Variants in PCCA observed in about 807,000 individuals in gnomAD.
The protein encoded by PCCA is propionyl-CoA carboxylase alpha chain, mitochondrial.
In PCCA, 74 loss-of-function variants were observed where a neutral mutation model predicts 101.3. That is an observed-to-expected ratio of 0.73 (90% CI 0.61 to 0.89). The LOEUF (loss-of-function observed/expected upper bound fraction) is 0.89. Among genes scored for constraint, PCCA ranks in the 40% least tolerant of loss-of-function variants. The pLI, the probability that PCCA is intolerant of heterozygous loss-of-function variation, is 0.00. For synonymous variants in PCCA, 294 were observed against 313.6 expected, an observed-to-expected ratio of 0.94 and a Z score of 0.66; for missense variants, 891 against 907.0, an observed-to-expected ratio of 0.98 and a Z score of 0.23.
chr13:100,385,261 A>T (rs971864388), intron 19 of PCCA, among the ~76,000 whole-genome samples: 3 of 152,210 alleles, frequency 2.0e-5, no homozygotes, highest in African/African-American at 7.2e-5. Flanking sequence ...TTATTAGGAT[A>T]ATAAGTCAAG....
At chr13:100,211,797 G>C (rs1317826620) in intron 7 of PCCA, among the ~76,000 whole-genome samples, 1 of 152,102 alleles carries the variant, frequency 6.6e-6, no homozygotes, top group Admixed American at 6.6e-5. Flanking sequence ...CTAGAGTGCA[G>C]TGGCATAGTC....
chr13:100,359,390 TA>T (rs1326653132), intron 18 of PCCA, among the ~76,000 whole-genome samples: 1 of 152,140 alleles, frequency 6.6e-6, no homozygotes, highest in Non-Finnish European at 1.5e-5. Context: ...AAGGAAGAAG[TA>T]AAGTCATTTC....
chr13:100,495,694 C>T (rs537836061), intron 21 of PCCA, among the ~76,000 whole-genome samples: 2 of 152,318 alleles, frequency 1.3e-5, no homozygotes, highest in Admixed American at 6.5e-5. Context: ...TCTGTGTAAC[C>T]ACTGACTTCA....
intron 6 of PCCA, among the ~76,000 whole-genome samples, chr13:100,163,382 G>A (rs1268848450): frequency 1.3e-5 from 2 of 152,122 alleles, no homozygotes. Context: ...GTTGTTTAAT[G>A]TCGGCCTCTG....
At chr13:100,330,749 T>A in intron 17 of PCCA, 78 bp downstream of exon 17, 1 of 881,460 alleles carries the variant, frequency 1.1e-6, no homozygotes, top group Non-Finnish European at 1.9e-6. Flanking sequence ...TTTCACTCTA[T>A]TTTGAAATTA....
intron 1 of PCCA, among the ~76,000 whole-genome samples, chr13:100,094,808 G>C (rs2046620455): frequency 6.6e-6 from 1 of 152,114 alleles, no homozygotes; most frequent in Non-Finnish European, 1.5e-5. Flanking sequence ...GGCTGGTCTT[G>C]AACTCTTGAC....
intron 12 of PCCA, among the ~76,000 whole-genome samples, chr13:100,274,440 A>G (rs1023930861): frequency 1.3e-5 from 2 of 152,178 alleles, no homozygotes; most frequent in Admixed American, 6.5e-5. Context: ...TGCTAGGACT[A>G]CCATAACAAA....
Position 100,449,242 on chromosome 13 carries a change from T to G in PCCA, c.1846-10T>G, listed in dbSNP as rs1219096047. The G allele has an allele frequency of 3.3e-6, 5 of 1,527,026 alleles. No homozygotes were observed. The East Asian group carries it at 1.2e-4, about 37-fold the overall frequency. The allele number at this position is 1,527,026 out of a possible 1,614,324, so 94.6% of individuals were successfully genotyped here. On this transcript the variant is annotated splice_polypyrimidine_tract_variant and intron_variant, in intron 20 of 23. Transcript: ENST00000376285. ...ATGAGTTCATTTTATATCTCTTGTT[T>G]GTTTTTTAGTGTCTTTCTCGAGAAG...
chr13:100,482,630 C>G (rs987822955), intron 21 of PCCA, among the ~76,000 whole-genome samples: 1 of 152,192 alleles, frequency 6.6e-6, no homozygotes, highest in Non-Finnish European at 1.5e-5. Flanking sequence ...CGCTCGTTCC[C>G]CAAGCTGAAA....
At chr13:100,348,736 CTTT>C (rs755248960) in intron 18 of PCCA, among the ~76,000 whole-genome samples, 2 of 76,590 alleles carry the variant, frequency 2.6e-5, no homozygotes, top group African/African-American at 1.2e-4. Context: ...TCCTTTCTTT[CTTT>C]CTTTCTTTCT....
intron 8 of PCCA, among the ~76,000 whole-genome samples, chr13:100,236,115 G>C (rs1157973395): frequency 5.3e-5 from 8 of 152,162 alleles, no homozygotes; most frequent in African/African-American, 9.7e-5. Flanking sequence ...GAGATCACAG[G>C]CTAATTCAAA....
chr13:100,215,341 A>C (rs1392665910), intron 7 of PCCA, among the ~76,000 whole-genome samples: 1 of 152,242 alleles, frequency 6.6e-6, no homozygotes, highest in Non-Finnish European at 1.5e-5. Context: ...TAGTGAACAA[A>C]AGAGACTGAA....
intron 21 of PCCA, among the ~76,000 whole-genome samples, chr13:100,477,047 T>A (rs2083466912): frequency 6.6e-6 from 1 of 152,226 alleles, no homozygotes; most frequent in Admixed American, 6.5e-5. Flanking sequence ...CCCATCTGTT[T>A]ATATACAAAA....
At chr13:100,362,499 G>A (rs2074728568) in intron 18 of PCCA, among the ~76,000 whole-genome samples, 1 of 152,128 alleles carries the variant, frequency 6.6e-6, no homozygotes, top group African/African-American at 2.4e-5. Context: ...GGCACAAGGA[G>A]GCTAAGTAAG....
intron 2 of PCCA, among the ~76,000 whole-genome samples, chr13:100,111,179 T>C (rs1252794148): frequency 1.1e-5 from 1 of 91,228 alleles, no homozygotes; most frequent in Admixed American, 1.0e-4. Flanking sequence ...ACCCAGCTCC[T>C]TTTTTTTTTT....
chr13:100,152,993 T>C (rs569142011), intron 4 of PCCA, among the ~76,000 whole-genome samples: 1 of 152,270 alleles, frequency 6.6e-6, no homozygotes, highest in East Asian at 1.9e-4. Context: ...TTCTTTTCCT[T>C]GATAAACCAC....
intron 8 of PCCA, among the ~76,000 whole-genome samples, chr13:100,247,215 G>GT (rs143058621): frequency 0.11 from 12,369 of 108,206 alleles, 954 homozygotes; most frequent in South Asian, 0.15. Flanking sequence ...GCCTGTGTGG[G>GT]TTTTTTTTTT....
chr13:100,253,267 G>A (rs1594941984), intron 8 of PCCA, among the ~76,000 whole-genome samples: 2 of 152,234 alleles, frequency 1.3e-5, no homozygotes, highest in Admixed American at 6.5e-5. Context: ...GGGATTAGAG[G>A]TGTGAGCCAC....
In PCCA at chr13:100,138,315, A is replaced by G. The variant is rs142558895; in HGVS notation, c.301-16664A>G. Reference sequence around the variant, plus strand: ...TTATAATATACATACTTAACTTCCTATGGTCTATTGAAAATTCATATTTTA... The same window carrying G: ...TTATAATATACATACTTAACTTCCTGTGGTCTATTGAAAATTCATATTTTA... On this transcript the variant is annotated intron_variant, in intron 4 of 23. Coordinates refer to ENST00000376285, the MANE Select transcript of PCCA (RefSeq NM_000282.4). Among the ~76,000 whole-genome samples, 979 of 151,940 alleles carry G rather than the reference A, an allele frequency of 6.4e-3. 5 individuals carry two copies. Among genetic ancestry groups the G allele is most frequent in the Middle Eastern group, 0.02 (6 of 294 alleles).
Sources: allele counts gnomAD v4.1 joint callset (sites outside exome capture counted in the v4.1 genomes callset), GRCh38; gene constraint gnomAD v4.1.1; transcripts MANE v1.5; gene names NCBI Gene and HGNC (gene_info 2026-07-23, HGNC 2026-07-21).